Variants in SH3RF1 observed in about 807,000 individuals in gnomAD.
SH3RF1 encodes the protein SH3 domain containing ring finger 1.
In SH3RF1, 32 loss-of-function variants were observed where a neutral mutation model predicts 74.0. That is an observed-to-expected ratio of 0.43 (90% CI 0.33 to 0.58). The LOEUF is 0.58. Among genes scored for constraint, SH3RF1 ranks in the 20% least tolerant of loss-of-function variants. SH3RF1 has a pLI of 0.05. For synonymous variants in SH3RF1, 396 were observed against 439.6 expected, an observed-to-expected ratio of 0.90 and a Z score of 1.24; for missense variants, 954 against 1,130.9, an observed-to-expected ratio of 0.84 and a Z score of 2.24.
At chr4:169,173,340 A>C (rs1376634567) in intron 2 of SH3RF1, among the ~76,000 whole-genome samples, 1 of 152,066 alleles carries the variant, frequency 6.6e-6, no homozygotes, top group South Asian at 2.1e-4. Context: ...AAATATTAAT[A>C]TGACATTAGT....
intron 2 of SH3RF1, among the ~76,000 whole-genome samples, chr4:169,251,821 G>A (rs777925437): frequency 3.3e-5 from 5 of 152,174 alleles, no homozygotes; most frequent in Non-Finnish European, 4.4e-5. Context: ...TTAGGGCTGC[G>A]CAGCCTACTA....
intron 4 of SH3RF1, among the ~76,000 whole-genome samples, chr4:169,143,444 T>C (rs1035292079): frequency 4.6e-5 from 7 of 152,180 alleles, no homozygotes; most frequent in African/African-American, 1.7e-4. Flanking sequence ...ACATGTGCAT[T>C]GGATGGCACA....
chr4:169,191,587 A>T (rs1734711218), intron 2 of SH3RF1, among the ~76,000 whole-genome samples: 1 of 152,158 alleles, frequency 6.6e-6, no homozygotes. Flanking sequence ...ATAAAGCCAA[A>T]GCAAGACTAA....
At chr4:169,117,097 T>A (rs1733349073) in intron 9 of SH3RF1, among the ~76,000 whole-genome samples, 1 of 152,200 alleles carries the variant, frequency 6.6e-6, no homozygotes, top group African/African-American at 2.4e-5. Context: ...TGGGAAGGTT[T>A]TCAGTGCTAC....
chr4:169,099,007 C>T (rs1318255975), intron 11 of SH3RF1, among the ~76,000 whole-genome samples: 2 of 152,160 alleles, frequency 1.3e-5, no homozygotes, highest in African/African-American at 4.8e-5. Flanking sequence ...AACTAGGAAA[C>T]GAACTCAGGC....
chr4:169,104,029 T>C (rs1733088132), intron 11 of SH3RF1, among the ~76,000 whole-genome samples: 1 of 152,132 alleles, frequency 6.6e-6, no homozygotes, highest in African/African-American at 2.4e-5. Context: ...TTCCTTCTTT[T>C]CAGATGAACT....
At chr4:169,143,423 G>A (rs9684601) in intron 4 of SH3RF1, among the ~76,000 whole-genome samples, 30,156 of 152,076 alleles carry the variant, frequency 0.2, 3,151 homozygotes, top group African/African-American at 0.26. Flanking sequence ...GCTGCAAGTT[G>A]CTCAACAGCG....
chr4:169,242,465 C>T (rs758644829), intron 2 of SH3RF1, among the ~76,000 whole-genome samples: 2 of 152,142 alleles, frequency 1.3e-5, no homozygotes, highest in Non-Finnish European at 2.9e-5. Flanking sequence ...ATGTATTTTT[C>T]TTCAAACATT....
chr4:169,136,705 C>A, intron 4 of SH3RF1, 85 bp from the exon 5 acceptor site: 1 of 1,392,964 alleles, frequency 7.2e-7, no homozygotes, highest in Non-Finnish European at 9.4e-7. Context: ...ATGATTTCAT[C>A]CAAAATTTAA....
chr4:169,213,865 A>T (rs1456200688), intron 2 of SH3RF1, among the ~76,000 whole-genome samples: 1 of 152,180 alleles, frequency 6.6e-6, no homozygotes, highest in Non-Finnish European at 1.5e-5. Context: ...AATCTAGTTC[A>T]TTAATCTGGT....
chr4:169,147,363 T>C lies in SH3RF1; in HGVS notation c.765+8117A>G, dbSNP rs186128473. ...TTAATTCTAAGTGAAAATTTGTCAA[T>C]GTGAAATGACACACTGACAGAAATT... On this transcript the variant is annotated intron_variant, in intron 4 of 11. Transcript: ENST00000284637. Among the ~76,000 whole-genome samples, 255 of 152,314 alleles carry C rather than the reference T, an allele frequency of 1.7e-3. 1 individual carries two copies. Among genetic ancestry groups the C allele is most frequent in the African/African-American group, 5.7e-3 (238 of 41,564 alleles).
intron 2 of SH3RF1, among the ~76,000 whole-genome samples, chr4:169,177,916 G>A (rs1474188004): frequency 6.6e-6 from 1 of 151,980 alleles, no homozygotes; most frequent in Non-Finnish European, 1.5e-5. Context: ...ATATGTGATA[G>A]TTAAAGGCCT....
At chr4:169,167,967 T>A (rs964209295) in intron 2 of SH3RF1, among the ~76,000 whole-genome samples, 5 of 152,042 alleles carry the variant, frequency 3.3e-5, no homozygotes, top group African/African-American at 1.2e-4. Flanking sequence ...TGAGTCCCTG[T>A]CTCTAAATAA....
Position 169,269,310 on chromosome 4 carries a change from A to C in SH3RF1, c.-95-3T>G. The C allele has an allele frequency of 1.4e-5, 19 of 1,325,218 alleles. No homozygotes were observed. The highest frequency in any genetic ancestry group is 1.8e-5 in the Non-Finnish European group (18 of 988,688). 82.1% of individuals were successfully genotyped at this position (1,325,218 alleles called of 1,614,324 possible). ...TAACATCCATTTCAGACTTTGCTCT[A>C]GAGTCATGGGGAAAAGGGGGAAAAG... On this transcript the variant is annotated splice_polypyrimidine_tract_variant and splice_region_variant and intron_variant, in intron 1 of 11. Transcript: ENST00000284637.
In SH3RF1 at chr4:169,116,781, C is replaced by G; in HGVS notation, c.1778-151G>C. Reference sequence around the variant, plus strand: ...GATGGGATGGACGGTGGCCTAAAAGCACTTAATCTTAGCTGGATCCCCAGA... The same window carrying G: ...GATGGGATGGACGGTGGCCTAAAAGGACTTAATCTTAGCTGGATCCCCAGA... On this transcript the variant is annotated intron_variant, in intron 9 of 11. Transcript: ENST00000284637. 2.8e-6 allele frequency: 3 copies of G among 1,090,676 alleles called. No individual in the cohort carries two copies. In the South Asian group the frequency reaches 6.3e-5, roughly 23 times the overall value. 67.6% of individuals were successfully genotyped at this position (1,090,676 alleles called of 1,614,324 possible).
chr4:169,122,176 C>T lies in SH3RF1; in HGVS notation c.1270G>A (p.Ala424Thr). Reference sequence around the variant, plus strand: ...GCCATGGGCCTCGGTCCCATTCCAGCAGCAGCAGCAGCGGCGGTGGCGCCT... The same window carrying T: ...GCCATGGGCCTCGGTCCCATTCCAGTAGCAGCAGCAGCGGCGGTGGCGCCT... ...PPGATAAAAA[A>T]GMGPRPMAGS... Residue 424 changes from alanine to threonine, a missense_variant, in exon 7 of 12, where the codon GCT becomes ACT. Physicochemically the swap from Ala to Thr is moderately conservative, Grantham distance 58 (BLOSUM62 0). Transcript: ENST00000284637. 6.2e-7 allele frequency: 1 copy of T among 1,613,546 alleles called. No individual in the cohort carries two copies. The highest frequency in any genetic ancestry group is 2.2e-5 in the East Asian group (1 of 44,888).
intron 5 of SH3RF1, among the ~76,000 whole-genome samples, chr4:169,131,849 T>G (rs901683500): frequency 2.0e-5 from 3 of 152,220 alleles, no homozygotes; most frequent in African/African-American, 7.2e-5. Flanking sequence ...AAGTCTTTGT[T>G]TGCATAGAAG....
At chr4:169,136,665 C>T in intron 4 of SH3RF1, 45 bp from the exon 5 acceptor site, 3 of 1,454,846 alleles carry the variant, frequency 2.1e-6, no homozygotes, top group Non-Finnish European at 2.7e-6. Context: ...TTAAACAATT[C>T]CTAAGAATTC....
chr4:169,127,142 G>A (rs1033318985), intron 6 of SH3RF1, among the ~76,000 whole-genome samples: 1 of 152,228 alleles, frequency 6.6e-6, no homozygotes, highest in Non-Finnish European at 1.5e-5. Context: ...TTTGATGTCT[G>A]AATTAGATAC....
Sources: allele counts gnomAD v4.1 joint callset (sites outside exome capture counted in the v4.1 genomes callset), GRCh38; gene constraint gnomAD v4.1.1; transcripts MANE v1.5; gene names NCBI Gene and HGNC (gene_info 2026-07-23, HGNC 2026-07-21).